Variants in GTF2E2 observed in about 807,000 individuals in gnomAD.
GTF2E2 encodes the protein general transcription factor IIE subunit 2.
GTF2E2 carries 21 observed loss-of-function variants against 40.5 expected under a neutral mutation model. That is an observed-to-expected ratio of 0.52 (90% CI 0.37 to 0.75). The LOEUF (loss-of-function observed/expected upper bound fraction) is 0.75, where lower values mean the gene tolerates loss of function less well. Among genes scored for constraint, GTF2E2 ranks in the 30% least tolerant of loss-of-function variants. The pLI, the probability that GTF2E2 is intolerant of heterozygous loss-of-function variation, is 0.00. For missense variants in GTF2E2, 298 were observed against 338.4 expected (o/e 0.88, Z 0.94); for synonymous variants, 117 against 121.6 (o/e 0.96, Z 0.25).
chr8:30,600,663 C>G (rs1829152174), intron 6 of GTF2E2, among the ~76,000 whole-genome samples: 1 of 152,150 alleles, frequency 6.6e-6, no homozygotes, highest in African/African-American at 2.4e-5. Context: ...CAGCACCAGC[C>G]TCTTCCCCAT....
intron 2 of GTF2E2, among the ~76,000 whole-genome samples, chr8:30,641,205 G>A (rs954561880): frequency 8.6e-5 from 13 of 151,982 alleles, no homozygotes; most frequent in Non-Finnish European, 7.4e-5. Flanking sequence ...TGAGCCGCTC[G>A]GTTATCAATA....
chr8:30,655,196 CAAA>C (rs11452838), intron 1 of GTF2E2, among the ~76,000 whole-genome samples: 3 of 134,102 alleles, frequency 2.2e-5, no homozygotes, highest in African/African-American at 2.9e-5. Context: ...AACTCTGTCT[CAAA>C]AAAAAAAAAA....
intron 2 of GTF2E2, 25 bp from the exon 3 acceptor site, chr8:30,635,148 T>C (rs1323108184): frequency 8.0e-7 from 1 of 1,255,078 alleles, no homozygotes. Flanking sequence ...CAAAATAACA[T>C]CGTCATATTA....
intron 1 of GTF2E2, chr8:30,657,754 C>G (rs979787389): frequency 2.0e-5 from 3 of 152,272 alleles, no homozygotes; most frequent in African/African-American, 7.2e-5. Flanking sequence ...CGAATTTTCC[C>G]TCTTTCCAAC....
At chr8:30,618,596 T>A (rs927367883) in intron 3 of GTF2E2, among the ~76,000 whole-genome samples, 8 of 152,140 alleles carry the variant, frequency 5.3e-5, no homozygotes, top group Non-Finnish European at 1.0e-4. Context: ...GTAGACATTG[T>A]ACAATGGTTT....
At chr8:30,647,527 G>A (rs1472291597) in intron 2 of GTF2E2, among the ~76,000 whole-genome samples, 1 of 152,186 alleles carries the variant, frequency 6.6e-6, no homozygotes, top group Admixed American at 6.5e-5. Flanking sequence ...GTTGCAGTGA[G>A]CTGAGATCAT....
chr8:30,614,911 A>AGCCCTTTAGTTTAATTAGATC (rs1800870790), intron 3 of GTF2E2, among the ~76,000 whole-genome samples, 196 bp from the exon 4 acceptor site: 1 of 152,100 alleles, frequency 6.6e-6, no homozygotes, highest in African/African-American at 2.4e-5. Context: ...CAAAAGACAA[A>AGCCCTTTAGTTTAATTAGATC]CTGACAAAAA....
chr8:30,657,577 A>G (rs1051294745), intron 1 of GTF2E2: 2 of 152,152 alleles, frequency 1.3e-5, no homozygotes, highest in African/African-American at 4.8e-5. Context: ...TCACAAACCA[A>G]ATCTCCAAAA....
At chr8:30,655,941 G>C (rs1563515054) in intron 1 of GTF2E2, among the ~76,000 whole-genome samples, 1 of 152,080 alleles carries the variant, frequency 6.6e-6, no homozygotes, top group Non-Finnish European at 1.5e-5. Context: ...CTCCCGAGTA[G>C]CTGGGACTAC....
chr8:30,643,250 T>C (rs1019776377), intron 2 of GTF2E2, among the ~76,000 whole-genome samples: 15 of 152,296 alleles, frequency 9.8e-5, no homozygotes, highest in African/African-American at 3.6e-4. Context: ...GAGATATATA[T>C]TGAAATATTT....
chr8:30,641,420 T>C (rs531017300), intron 2 of GTF2E2, among the ~76,000 whole-genome samples: 6 of 152,300 alleles, frequency 3.9e-5, no homozygotes, highest in Admixed American at 2.0e-4. Flanking sequence ...GGGAGTGCAA[T>C]GGAGAAATCA....
chr8:30,587,132 C>G (rs908862794), intron 6 of GTF2E2, among the ~76,000 whole-genome samples: 2 of 152,160 alleles, frequency 1.3e-5, no homozygotes, highest in African/African-American at 4.8e-5. Context: ...AAATATAGGG[C>G]AGGTGCCACA....
intron 6 of GTF2E2, among the ~76,000 whole-genome samples, chr8:30,602,165 G>A (rs534541426): frequency 2.0e-5 from 3 of 151,950 alleles, no homozygotes; most frequent in East Asian, 1.9e-4. Flanking sequence ...TTACAGACAC[G>A]CACCAGCATG....
chr8:30,601,534 C>T (rs919834007), intron 6 of GTF2E2, among the ~76,000 whole-genome samples: 5 of 152,054 alleles, frequency 3.3e-5, no homozygotes, highest in Non-Finnish European at 7.4e-5. Context: ...TCAGGACACT[C>T]CCCACACCAA....
At chr8:30,645,881 G>A (rs865929471) in intron 2 of GTF2E2, 44 of 282,476 alleles carry the variant, frequency 1.6e-4, no homozygotes, top group African/African-American at 8.9e-4. Context: ...AGCAGCAAAA[G>A]ATAAGCTGGA....
intron 3 of GTF2E2, among the ~76,000 whole-genome samples, chr8:30,618,743 A>G (rs1800998942): frequency 1.3e-5 from 2 of 152,304 alleles, no homozygotes; most frequent in Middle Eastern, 3.4e-3. Flanking sequence ...AAAATAAGCC[A>G]TCTATTCCTT....
intron 3 of GTF2E2, among the ~76,000 whole-genome samples, chr8:30,625,971 C>G (rs1426533353): frequency 6.6e-6 from 1 of 152,168 alleles, no homozygotes; most frequent in Non-Finnish European, 1.5e-5. Flanking sequence ...ATGGCACAAA[C>G]AAAAGCATAG....
intron 6 of GTF2E2, among the ~76,000 whole-genome samples, chr8:30,592,981 A>G (rs1274034444): frequency 2.0e-5 from 3 of 152,184 alleles, no homozygotes; most frequent in African/African-American, 4.8e-5. Context: ...CAGGCGGGTC[A>G]CTTGAAGCCA....
At chr8:30,604,735 A>G (rs1382755973) in intron 6 of GTF2E2, among the ~76,000 whole-genome samples, 1 of 152,182 alleles carries the variant, frequency 6.6e-6, no homozygotes, top group Non-Finnish European at 1.5e-5. Flanking sequence ...TAATATTACT[A>G]TTTTACTCTA....
Sources: allele counts gnomAD v4.1 joint callset (sites outside exome capture counted in the v4.1 genomes callset), GRCh38; gene constraint gnomAD v4.1.1; transcripts MANE v1.5; gene names NCBI Gene and HGNC (gene_info 2026-07-23, HGNC 2026-07-21).